SPMIP2: variants seen among roughly 807,000 people sequenced by gnomAD.
The protein encoded by SPMIP2 is sperm microtubule inner protein 2.
the SPMIP2 span, among the ~76,000 whole-genome samples, chr4:159,037,373 T>C: frequency 6.6e-6 from 1 of 152,304 alleles, no homozygotes; most frequent in South Asian, 2.1e-4. Flanking sequence ...TTACATAGTT[T>C]CAAAGTAAAA....
the SPMIP2 span, among the ~76,000 whole-genome samples, chr4:159,043,408 G>A: frequency 6.6e-6 from 1 of 151,976 alleles, no homozygotes; most frequent in African/African-American, 2.4e-5. Context: ...GTGCAGTGGC[G>A]CGATCTCGGC....
At chr4:159,079,897 GTAAAGCATTTTAAT>G in the SPMIP2 span, among the ~76,000 whole-genome samples, 1 of 152,144 alleles carries the variant, frequency 6.6e-6, no homozygotes, top group Non-Finnish European at 1.5e-5. Context: ...AGTAAAAATA[GTAAAGCATTTTAAT>G]TTTAATTGTA....
chr4:159,081,370 A>G, the SPMIP2 span, among the ~76,000 whole-genome samples: 1 of 151,998 alleles, frequency 6.6e-6, no homozygotes, highest in Non-Finnish European at 1.5e-5. Context: ...ATTGTGAGCA[A>G]TACTCATGTT....
At chr4:159,020,720 C>CT in the SPMIP2 span, among the ~76,000 whole-genome samples, 1 of 152,158 alleles carries the variant, frequency 6.6e-6, no homozygotes, top group South Asian at 2.1e-4. Context: ...AACTTCCAAA[C>CT]GTTTAAGCTA....
chr4:158,964,032 G>A, the SPMIP2 span, among the ~76,000 whole-genome samples: 1 of 152,094 alleles, frequency 6.6e-6, no homozygotes, highest in Non-Finnish European at 1.5e-5. Context: ...GCGGGTGCCT[G>A]TAGTCCCAGC....
At chr4:158,919,594 C>T in the SPMIP2 span, among the ~76,000 whole-genome samples, 1 of 152,210 alleles carries the variant, frequency 6.6e-6, no homozygotes. Flanking sequence ...CCAGAATTCT[C>T]CTTTATACCA....
At chr4:159,007,810 G>A in the SPMIP2 span, 2 of 567,616 alleles carry the variant, frequency 3.5e-6, no homozygotes, top group Admixed American at 1.9e-5. Context: ...AACCCGAAGG[G>A]TGAAGAGAAG....
the SPMIP2 span, among the ~76,000 whole-genome samples, chr4:158,916,541 C>T: frequency 6.6e-6 from 1 of 152,178 alleles, no homozygotes. Flanking sequence ...AGAATAAAGT[C>T]TGAGCTCCTC....
the SPMIP2 span, among the ~76,000 whole-genome samples, chr4:158,904,142 T>C: frequency 6.6e-6 from 1 of 152,200 alleles, no homozygotes; most frequent in African/African-American, 2.4e-5. Flanking sequence ...TAAAGTATGA[T>C]ACAATGAAGT....
chr4:158,969,344 T>C, the SPMIP2 span, among the ~76,000 whole-genome samples: 1 of 152,228 alleles, frequency 6.6e-6, no homozygotes, highest in Non-Finnish European at 1.5e-5. Flanking sequence ...ATTGTCTCCA[T>C]ATATTCTTGC....
At chr4:159,025,896 G>A in the SPMIP2 span, among the ~76,000 whole-genome samples, 1 of 152,268 alleles carries the variant, frequency 6.6e-6, no homozygotes, top group South Asian at 2.1e-4. Flanking sequence ...CTTGAAGCAG[G>A]ATCTTCATGC....
At chr4:158,984,324 T>C in the SPMIP2 span, among the ~76,000 whole-genome samples, 1 of 142,940 alleles carries the variant, frequency 7.0e-6, no homozygotes, top group South Asian at 2.3e-4. Context: ...ATCCACAGAA[T>C]ATACATTTTT....
chr4:158,994,552 A>G, the SPMIP2 span, among the ~76,000 whole-genome samples: 10 of 152,212 alleles, frequency 6.6e-5, no homozygotes, highest in Non-Finnish European at 1.3e-4. Flanking sequence ...CCTCTATTTC[A>G]GTGACCAGAT....
the SPMIP2 span, among the ~76,000 whole-genome samples, chr4:159,030,875 G>C: frequency 6.6e-6 from 1 of 152,120 alleles, no homozygotes; most frequent in African/African-American, 2.4e-5. Flanking sequence ...GTAACTCTCA[G>C]AATTGCTGCG....
chr4:159,081,588 G>A, the SPMIP2 span, among the ~76,000 whole-genome samples: 1 of 151,920 alleles, frequency 6.6e-6, no homozygotes, highest in Non-Finnish European at 1.5e-5. Flanking sequence ...CTACTTCGGA[G>A]GCTGAGATGA....
the SPMIP2 span, among the ~76,000 whole-genome samples, chr4:158,991,152 AACAG>A: frequency 6.6e-6 from 1 of 152,212 alleles, no homozygotes; most frequent in Admixed American, 6.5e-5. Flanking sequence ...ACTGATGAAA[AACAG>A]ACAATGGAGC....
At chr4:159,012,020 T>C in the SPMIP2 span, among the ~76,000 whole-genome samples, 1 of 149,708 alleles carries the variant, frequency 6.7e-6, no homozygotes, top group Non-Finnish European at 1.5e-5. Flanking sequence ...CACACGATTA[T>C]ACTCCAGCCT....
the SPMIP2 span, among the ~76,000 whole-genome samples, chr4:158,912,030 GGAAATGTAT>G: frequency 6.6e-6 from 1 of 151,502 alleles, no homozygotes; most frequent in African/African-American, 2.4e-5. Flanking sequence ...ATTGTATGAA[GGAAATGTAT>G]AATAATAAAT....
chr4:158,910,049 C>CA, the SPMIP2 span, among the ~76,000 whole-genome samples: 7 of 150,394 alleles, frequency 4.7e-5, no homozygotes, highest in East Asian at 5.9e-4. Context: ...CAAAAAAAAA[C>CA]AAAAAAAAAT....
Sources: gnomAD v4.1 joint callset for allele counts (sites outside exome capture counted in the v4.1 genomes callset) on GRCh38, gnomAD v4.1.1 for gene constraint, MANE v1.5 for transcripts, NCBI Gene and HGNC (gene_info 2026-07-23, HGNC 2026-07-21) for gene names.